Variants in NEK1 observed in about 807,000 individuals in gnomAD.
The protein encoded by NEK1 is NIMA related kinase 1, also known as serine/threonine-protein kinase Nek1.
In NEK1, 137 loss-of-function variants were observed where a neutral mutation model predicts 182.1. The observed-to-expected ratio is 0.75, with a 90% confidence interval of 0.65 to 0.87. The LOEUF is 0.87. NEK1 is among the 40% of genes least tolerant of loss of function. The pLI is 0.00. For synonymous variants in NEK1, 513 were observed against 492.2 expected (o/e 1.04, Z -0.56); for missense variants, 1,391 against 1,494.4 (o/e 0.93, Z 1.14).
At chr4:169,570,462 A>G (rs75394761) in intron 12 of NEK1, among the ~76,000 whole-genome samples, 48,068 of 138,850 alleles carry the variant, frequency 0.35, 10,827 homozygotes, top group African/African-American at 0.66. Flanking sequence ...AGGTGGGGGG[A>G]TCAGCCCCCC....
At position 169,427,459 on chromosome 4, in the gene NEK1, A is replaced by G. The variant is rs544685780; in HGVS notation, c.2886-1225T>C. 1.1e-4 allele frequency among the ~76,000 whole-genome samples: 16 copies of G among 148,570 alleles called. No individual in the cohort carries two copies. The East Asian group carries it at 3.3e-3, about 30-fold the overall frequency. On this transcript the variant is annotated intron_variant, in intron 29 of 35. Coordinates refer to ENST00000507142, the MANE Select transcript of NEK1 (RefSeq NM_001199397.3). ...ATTTTAAATAATTTTCTACTTTCTC[A>G]TTTTCAGATTTTCAACCATTTTCTG...
At chr4:169,527,315 A>C (rs961255670) in intron 19 of NEK1, among the ~76,000 whole-genome samples, 12 of 152,218 alleles carry the variant, frequency 7.9e-5, no homozygotes, top group Non-Finnish European at 1.3e-4. Flanking sequence ...CTGCTAAACG[A>C]ATTTCTTTAG....
chr4:169,562,538 A>G (rs1319562466), intron 12 of NEK1, among the ~76,000 whole-genome samples: 3 of 152,104 alleles, frequency 2.0e-5, no homozygotes, highest in African/African-American at 7.2e-5. Context: ...TTAGTGACAC[A>G]ATATATATTC....
intron 5 of NEK1, among the ~76,000 whole-genome samples, chr4:169,597,083 T>G (rs1159927922): frequency 6.6e-6 from 1 of 152,198 alleles, no homozygotes; most frequent in Non-Finnish European, 1.5e-5. Flanking sequence ...TATCATTTAA[T>G]AGCAAACATT....
chr4:169,537,822 G>A lies in NEK1; in HGVS notation c.1652C>T (p.Ala551Val), dbSNP rs1487271951. 1.2e-6 allele frequency: 2 copies of A among 1,612,100 alleles called. No homozygotes were observed. The highest frequency in any genetic ancestry group is 1.7e-5 in the Admixed American group (1 of 59,950). The change falls in exon 19 of 36, where the codon GCC becomes GTC. Residue 551 changes from alanine (A) to valine (V), a missense_variant. By Grantham distance (64) the Ala-to-Val change is moderately conservative (BLOSUM62 0). Transcript: ENST00000507142. The part of the protein sequence containing the change: ...KREAMQNKAR[A>V]EGHMGILQNL... ...CAAAATTCATACCATATGTCCTTCG[G>A]CTCGAGCTTTATTCTGCATAGCTTC...
intron 19 of NEK1, among the ~76,000 whole-genome samples, chr4:169,514,960 T>A (rs1754888903): frequency 6.6e-6 from 1 of 152,132 alleles, no homozygotes; most frequent in African/African-American, 2.4e-5. Context: ...TTCTACTGTC[T>A]GCATTTAGTG....
chr4:169,415,384 C>G (rs1049843521), intron 31 of NEK1, among the ~76,000 whole-genome samples: 1 of 152,116 alleles, frequency 6.6e-6, no homozygotes, highest in African/African-American at 2.4e-5. Flanking sequence ...GTAGAGAAAT[C>G]CCTTACAGAG....
chr4:169,577,137 T>C, intron 11 of NEK1, 58 bp from the exon 12 acceptor site: 1 of 1,515,858 alleles, frequency 6.6e-7, no homozygotes. Flanking sequence ...CTCTTTACTT[T>C]CAGAATTCTT....
chr4:169,401,656 G>C lies in NEK1; in HGVS notation c.3579C>G (p.His1193Gln), dbSNP rs370914189. 2 of 1,613,212 alleles carry C rather than the reference G, an allele frequency of 1.2e-6. No homozygotes were observed. The highest frequency in any genetic ancestry group is 1.3e-5 in the African/African-American group (1 of 74,926). Residue 1193 changes from histidine to glutamine, a missense_variant, in exon 33 of 36, where the codon CAC (histidine) becomes CAG (glutamine). Coordinates refer to ENST00000507142, the MANE Select transcript of NEK1 (RefSeq NM_001199397.3). ...SSESALNEEW[H>Q]SDNSDGEIAS... ...TCCAAAACTCTGATCATGCACCTGA[G>C]TGCCATTCTTCGTTCAGGGCACTTT... is the stretch of plus-strand genomic sequence containing the variant.
chr4:169,496,270 C>T (rs1268366348), intron 23 of NEK1, among the ~76,000 whole-genome samples: 1 of 152,058 alleles, frequency 6.6e-6, no homozygotes, highest in Non-Finnish European at 1.5e-5. Flanking sequence ...TGAGACTTTG[C>T]TGAAGTTGCC....
chr4:169,432,787 A>G (rs1464878327), intron 29 of NEK1, among the ~76,000 whole-genome samples: 1 of 152,144 alleles, frequency 6.6e-6, no homozygotes, highest in Non-Finnish European at 1.5e-5. Context: ...TTAATTAATT[A>G]ATTAATTTGA....
intron 19 of NEK1, among the ~76,000 whole-genome samples, chr4:169,512,099 GACA>G (rs1754285742): frequency 6.6e-6 from 1 of 152,054 alleles, no homozygotes; most frequent in African/African-American, 2.4e-5. Context: ...GTTTCTAAGT[GACA>G]ACAAGTTTTC....
intron 19 of NEK1, among the ~76,000 whole-genome samples, chr4:169,510,620 T>G (rs1754024059): frequency 6.6e-6 from 1 of 152,162 alleles, no homozygotes; most frequent in Admixed American, 6.5e-5. Context: ...GAGAGTAACC[T>G]TTCTCTTTCA....
intron 2 of NEK1, among the ~76,000 whole-genome samples, chr4:169,607,959 G>A (rs987114640): frequency 2.6e-5 from 4 of 152,066 alleles, no homozygotes; most frequent in African/African-American, 4.8e-5. Context: ...ACACCGGGAT[G>A]GGGGTGGGGG....
chr4:169,552,686 G>C (rs1761604900), intron 18 of NEK1, among the ~76,000 whole-genome samples: 1 of 152,026 alleles, frequency 6.6e-6, no homozygotes, highest in East Asian at 1.9e-4. Context: ...TGTCTATGTA[G>C]AAAATTCAAA....
chr4:169,466,215 C>T (rs1464691484), intron 26 of NEK1, among the ~76,000 whole-genome samples: 1 of 151,922 alleles, frequency 6.6e-6, no homozygotes, highest in Non-Finnish European at 1.5e-5. Flanking sequence ...CCATTGAACT[C>T]GTCCATTCAT....
At chr4:169,567,111 A>C (rs1283069581) in intron 12 of NEK1, among the ~76,000 whole-genome samples, 1 of 152,136 alleles carries the variant, frequency 6.6e-6, no homozygotes, top group Non-Finnish European at 1.5e-5. Context: ...AAAAAAATCA[A>C]GGGAAAAACC....
chr4:169,563,374 T>A (rs11735259), intron 12 of NEK1, among the ~76,000 whole-genome samples: 9,297 of 143,504 alleles, frequency 0.065, 304 homozygotes, highest in African/African-American at 0.1. Flanking sequence ...AAAATAAAAA[T>A]AAAAAAATCA....
chr4:169,535,495 A>G (rs1423132246), intron 19 of NEK1, among the ~76,000 whole-genome samples: 2 of 152,148 alleles, frequency 1.3e-5, no homozygotes, highest in African/African-American at 4.8e-5. Flanking sequence ...GAGCATCATC[A>G]GTGAATGGTT....
Sources: allele counts gnomAD v4.1 joint callset (sites outside exome capture counted in the v4.1 genomes callset), GRCh38; gene constraint gnomAD v4.1.1; transcripts MANE v1.5; gene names NCBI Gene and HGNC (gene_info 2026-07-23, HGNC 2026-07-21).